Variants in BICRA observed in about 807,000 individuals in gnomAD.
BICRA encodes the protein BRD4-interacting chromatin-remodeling complex-associated protein.
A neutral mutation model predicts 96.9 loss-of-function variants in BICRA; 31 were observed. That is an observed-to-expected ratio of 0.32 (90% CI 0.24 to 0.43). The LOEUF is 0.43. Among genes scored for constraint, BICRA ranks in the 20% least tolerant of loss-of-function variants. The pLI is 1.00. For synonymous variants in BICRA, 1,350 were observed against 1,071.8 expected (o/e 1.26, Z -5.07); for missense variants, 2,283 against 2,190.3 (o/e 1.04, Z -0.84).
In BICRA at chr19:47,664,300, G is replaced by A. The variant is rs187416419; in HGVS notation, c.-107-6143G>A. On this transcript the variant is annotated intron_variant, in intron 1 of 14. Coordinates refer to ENST00000594866, the MANE Select transcript of BICRA (RefSeq NM_001394372.1). ...CTTCTGCACAGCTCCTGATGACAGC[G>A]CAAAACTCCGATTGCATTACAAGTG... Among the ~76,000 whole-genome samples the A allele has an allele frequency of 1.6e-3, 246 of 152,222 alleles. 1 individual carries two copies. The highest frequency in any genetic ancestry group is 2.1e-3 in the Non-Finnish European group (142 of 68,014).
At chr19:47,685,807 A>ACGCGCG in intron 7 of BICRA, among the ~76,000 whole-genome samples, 1 of 132,716 alleles carries the variant, frequency 7.5e-6, no homozygotes, top group East Asian at 2.8e-4. Flanking sequence ...GCGCATGCGT[A>ACGCGCG]CATTTTCCCT....
chr19:47,684,370 T>C (rs757104043), intron 7 of BICRA, among the ~76,000 whole-genome samples: 1 of 152,090 alleles, frequency 6.6e-6, no homozygotes, highest in African/African-American at 2.4e-5. Flanking sequence ...TTAGTAGAGA[T>C]AGTGTATCAC....
intron 1 of BICRA, among the ~76,000 whole-genome samples, chr19:47,614,841 A>G (rs531618098): frequency 2.6e-5 from 4 of 152,270 alleles, no homozygotes; most frequent in African/African-American, 2.4e-5. Context: ...TGTGTGAAGC[A>G]TGGGAAGGCA....
Position 47,694,890 on chromosome 19 carries a change from C to T in BICRA, c.2896-10C>T, listed in dbSNP as rs1295503320. 2.0e-6 allele frequency: 3 copies of T among 1,504,542 alleles called. No homozygotes were observed. The highest frequency in any genetic ancestry group is 1.8e-6 in the Non-Finnish European group (2 of 1,131,586). The allele number at this position is 1,504,542 out of a possible 1,614,324, so 93.2% of individuals were successfully genotyped here. On this transcript the variant is annotated splice_polypyrimidine_tract_variant and intron_variant, in intron 8 of 14. Coordinates refer to ENST00000594866, the MANE Select transcript of BICRA (RefSeq NM_001394372.1). ...GTTCCCCACCCCTCATCCACCTGTC[C>T]CCTCCTCAGGTGCCGTCCGGAATCA... is the stretch of plus-strand genomic sequence containing the variant.
chr19:47,681,601 T>C (rs973230425), intron 6 of BICRA, among the ~76,000 whole-genome samples: 9 of 151,906 alleles, frequency 5.9e-5, no homozygotes, highest in Middle Eastern at 3.4e-3. Flanking sequence ...GCTGGGCTGC[T>C]GACAGATGGA....
chr19:47,645,540 G>A (rs2123540972), intron 1 of BICRA, among the ~76,000 whole-genome samples: 1 of 152,234 alleles, frequency 6.6e-6, no homozygotes, highest in East Asian at 1.9e-4. Flanking sequence ...AAAGAAAAAT[G>A]GTCTCTTAAC....
At chr19:47,626,757 G>A (rs1250596949) in intron 1 of BICRA, among the ~76,000 whole-genome samples, 2 of 138,868 alleles carry the variant, frequency 1.4e-5, no homozygotes, top group Non-Finnish European at 3.1e-5. Flanking sequence ...AGTCTCGCTC[G>A]GTCACCTAGG....
At position 47,701,455 on chromosome 19, in the gene BICRA, C is replaced by T; in HGVS notation, c.3723C>T (p.His1241=). The T allele has an allele frequency of 1.3e-6, 2 of 1,567,288 alleles. No homozygotes were observed. Among genetic ancestry groups the T allele is most frequent in the Non-Finnish European group, 1.7e-6 (2 of 1,157,254 alleles). ...APGASTQPPP[H]LPTKLVIRHG... The stretch of plus-strand genomic sequence containing the variant: ...GGGCCTCCACCCAGCCCCCTCCACA[C>T]CTGCCCACCAAGCTTGTGATCCGGC... Residue 1241 remains histidine, a synonymous_variant, in exon 15 of 15, where the codon CAC becomes CAT. Coordinates refer to ENST00000594866, the MANE Select transcript of BICRA (RefSeq NM_001394372.1). The surrounding 1 kb of genome is among the most constrained non-coding windows in gnomAD (Gnocchi z 5.4).
chr19:47,685,784 T>TGCGCGCGCGCGCGCGCGC (rs1377559075), intron 7 of BICRA, among the ~76,000 whole-genome samples: 2 of 115,436 alleles, frequency 1.7e-5, no homozygotes, highest in African/African-American at 4.1e-5. Flanking sequence ...TGTGTGTGTG[T>TGCGCGCGCGCGCGCGCGC]GTGCGCGCGC....
chr19:47,651,897 C>T (rs1298023968), intron 1 of BICRA, among the ~76,000 whole-genome samples: 1 of 152,220 alleles, frequency 6.6e-6, no homozygotes, highest in Non-Finnish European at 1.5e-5. Flanking sequence ...GGCGCCACTC[C>T]TGGCTGTGAT....
In BICRA at chr19:47,694,904, C is replaced by A. The variant is rs200681973; in HGVS notation, c.2900C>A (p.Pro967Gln). ...KALLERFHQV[P>Q]SGIILQNKAG... Reference sequence around the variant, plus strand: ...ATCCACCTGTCCCCTCCTCAGGTGCCGTCCGGAATCATCCTCCAGAACAAG... The same window carrying A: ...ATCCACCTGTCCCCTCCTCAGGTGCAGTCCGGAATCATCCTCCAGAACAAG... Residue 967 changes from proline to glutamine, a missense_variant, in exon 9 of 15, where the codon CCG (proline) becomes CAG (glutamine). By Grantham distance (76) the Pro-to-Gln change is moderately conservative. Transcript: ENST00000594866. The A allele has an allele frequency of 2.6e-6, 4 of 1,511,804 alleles. No homozygotes were observed. Among genetic ancestry groups the A allele is most frequent in the Non-Finnish European group, 3.5e-6 (4 of 1,136,384 alleles). The allele number at this position is 1,511,804 out of a possible 1,614,324, so 93.6% of individuals were successfully genotyped here.
chr19:47,639,923 C>T lies in BICRA; in HGVS notation c.-107-30520C>T, dbSNP rs375655119. On this transcript the variant is annotated intron_variant, in intron 1 of 14. Transcript: ENST00000594866. ...CCTCCCAAAGTGTTGAGATTACAGG[C>T]GTGAGCCACCATGCCCAGCCTGCTG... Among the ~76,000 whole-genome samples, 26 of 152,168 alleles carry T rather than the reference C, an allele frequency of 1.7e-4. No individual in the cohort carries two copies. In the South Asian group the frequency reaches 5.0e-3, roughly 29 times the overall value.
rs543498989 is a variant in BICRA, at chr19:47,655,271, A to G, written c.-107-15172A>G. ...CCAGGCGTGGTGGCTCTCACCTGTA[A>G]TCCCAGCACTTTGGGAGGCCGAAGC... On this transcript the variant is annotated intron_variant, in intron 1 of 14. Coordinates refer to ENST00000594866, the MANE Select transcript of BICRA (RefSeq NM_001394372.1). Among the ~76,000 whole-genome samples the G allele has an allele frequency of 1.3e-3, 194 of 152,140 alleles. 1 individual carries two copies. The highest frequency in any genetic ancestry group is 2.5e-3 in the Non-Finnish European group (172 of 68,002).
intron 1 of BICRA, among the ~76,000 whole-genome samples, chr19:47,632,315 G>A (rs570795867): frequency 1.7e-4 from 26 of 152,224 alleles, no homozygotes; most frequent in Non-Finnish European, 1.6e-4. Flanking sequence ...GCTTTTGAGT[G>A]GCTGTTCCAT....
At chr19:47,610,349 G>A (rs1420072234) in intron 1 of BICRA, among the ~76,000 whole-genome samples, 1 of 152,362 alleles carries the variant, frequency 6.6e-6, no homozygotes, top group African/African-American at 2.4e-5. Context: ...GGAGGACCGG[G>A]CAAGGAGCCG....
chr19:47,640,792 G>T (rs1204909716), intron 1 of BICRA, among the ~76,000 whole-genome samples: 2 of 152,098 alleles, frequency 1.3e-5, no homozygotes, highest in African/African-American at 4.8e-5. Flanking sequence ...AGAACAGCAG[G>T]TGCAAAGGTC....
rs748341092 is a variant in BICRA at position 47,694,686 on chromosome 19, C to T, written c.2855C>T (p.Ala952Val). Residue 952 changes from alanine (A) to valine (V), a missense_variant, in exon 8 of 15, where the codon GCG (alanine) becomes GTG (valine). Transcript: ENST00000594866. ...CAGATGGTGACCACCCCCTTCCCAG[C>T]GCTGCCCCAGCCGAAGGCTCTTCTC... ...TFQMVTTPFPALPQPKALLER... is the reference protein window; with the variant it reads ...TFQMVTTPFPVLPQPKALLER... The T allele has an allele frequency of 6.3e-6, 10 of 1,587,076 alleles. No homozygotes were observed. The highest frequency in any genetic ancestry group is 2.7e-5 in the African/African-American group (2 of 74,150).
At chr19:47,658,678 G>A (rs1972658178) in intron 1 of BICRA, among the ~76,000 whole-genome samples, 1 of 150,818 alleles carries the variant, frequency 6.6e-6, no homozygotes, top group Admixed American at 6.6e-5. Flanking sequence ...TAGAACAGTG[G>A]TTCGCAGAGT....
chr19:47,658,317 G>C (rs10404067), intron 1 of BICRA, among the ~76,000 whole-genome samples: 105 of 152,152 alleles, frequency 6.9e-4, no homozygotes, highest in African/African-American at 2.4e-3. Context: ...ACTTGGTCAG[G>C]GGCCTGGACC....
Sources: gnomAD v4.1 joint callset for allele counts (sites outside exome capture counted in the v4.1 genomes callset) on GRCh38, gnomAD v4.1.1 for gene constraint, Gnocchi (gnomAD v3.1) non-coding constraint, MANE v1.5 for transcripts, NCBI Gene and HGNC (gene_info 2026-07-23, HGNC 2026-07-21) for gene names.